The following SPACA7 variants were observed in gnomAD, a reference collection of about 807,000 sequenced individuals.
SPACA7 encodes sperm acrosome-associated protein 7.
Under a neutral mutation model 26.3 loss-of-function variants are expected in SPACA7, and 19 were observed. The observed-to-expected ratio is 0.72, with a 90% CI of 0.50 to 1.06. The LOEUF is 1.06. Ranked by LOEUF, SPACA7 falls within the 50% of genes least tolerant of loss-of-function variation. The pLI is 0.00. For synonymous variants in SPACA7, 84 were observed against 84.5 expected, an observed-to-expected ratio of 0.99 and a Z score of 0.04; for missense variants, 211 against 229.9, an observed-to-expected ratio of 0.92 and a Z score of 0.53.
chr13:112,398,671 G>A (rs1885442689), intron 3 of SPACA7, among the ~76,000 whole-genome samples: 1 of 152,198 alleles, frequency 6.6e-6, no homozygotes, highest in Non-Finnish European at 1.5e-5. Context: ...CATATGCAAG[G>A]AAATAGAACA....
chr13:112,432,382 A>G, intron 5 of SPACA7, 62 bp from the exon 6 acceptor site: 1 of 1,366,954 alleles, frequency 7.3e-7, no homozygotes, highest in Non-Finnish European at 1.0e-6. Flanking sequence ...TTAAAGGAAA[A>G]GTGGAATCAT....
At chr13:112,429,092 C>T (rs1260624725) in intron 5 of SPACA7, among the ~76,000 whole-genome samples, 1 of 152,220 alleles carries the variant, frequency 6.6e-6, no homozygotes, top group East Asian at 1.9e-4. Context: ...TGCAACAAGA[C>T]TCTTGGCCAG....
At chr13:112,414,760 G>A (rs1466297995) in intron 5 of SPACA7, among the ~76,000 whole-genome samples, 1 of 152,112 alleles carries the variant, frequency 6.6e-6, no homozygotes, top group Non-Finnish European at 1.5e-5. Context: ...TATTTTTGTA[G>A]AATTCTCAGT....
chr13:112,394,345 G>T (rs532375563), intron 2 of SPACA7, among the ~76,000 whole-genome samples: 2,080 of 151,900 alleles, frequency 0.014, 33 homozygotes, highest in African/African-American at 0.049. Flanking sequence ...TGCCTGTGGA[G>T]TGGGGTCGGG....
intron 5 of SPACA7, among the ~76,000 whole-genome samples, chr13:112,413,699 T>G (rs1173767598): frequency 1.3e-5 from 2 of 152,204 alleles, no homozygotes; most frequent in Non-Finnish European, 2.9e-5. Flanking sequence ...TCTCTACTCC[T>G]TAAGGCCATG....
chr13:112,396,056 C>T (rs1256889785), intron 2 of SPACA7, among the ~76,000 whole-genome samples: 1 of 138,040 alleles, frequency 7.2e-6, no homozygotes, highest in Admixed American at 7.2e-5. Flanking sequence ...TGACTGCTCT[C>T]CGAGCAGGAA....
chr13:112,389,618 T>C (rs1244678600), intron 1 of SPACA7, among the ~76,000 whole-genome samples: 1 of 152,220 alleles, frequency 6.6e-6, no homozygotes, highest in African/African-American at 2.4e-5. Flanking sequence ...TAAGGAATTT[T>C]ATAATTACTT....
chr13:112,388,095 T>C (rs536413608), intron 1 of SPACA7, among the ~76,000 whole-genome samples: 1 of 152,228 alleles, frequency 6.6e-6, no homozygotes, highest in Admixed American at 6.5e-5. Flanking sequence ...CTGCTGGACT[T>C]CCATCAGCAA....
At chr13:112,418,812 G>C (rs769263086) in intron 5 of SPACA7, among the ~76,000 whole-genome samples, 4 of 152,108 alleles carry the variant, frequency 2.6e-5, no homozygotes, top group Non-Finnish European at 5.9e-5. Flanking sequence ...TAGAGCATTT[G>C]ACATAAGTAC....
intron 5 of SPACA7, among the ~76,000 whole-genome samples, chr13:112,406,743 C>T (rs915467453): frequency 1.3e-5 from 2 of 152,156 alleles, no homozygotes; most frequent in African/African-American, 4.8e-5. Context: ...TAATTCATCA[C>T]AACTCTATCA....
chr13:112,383,126 AAAGAAAGAAAGAAAGAAAG>A (rs1566453098), intron 1 of SPACA7, among the ~76,000 whole-genome samples: 1 of 3,056 alleles, frequency 3.3e-4, no homozygotes, highest in Non-Finnish European at 1.1e-3. Flanking sequence ...AAAAGAAAAG[AAAGAAAGAAAGAAAGAAAG>A]AAAGAAAGAA....
intron 2 of SPACA7, among the ~76,000 whole-genome samples, chr13:112,397,554 G>A (rs150722233): frequency 0.012 from 1,818 of 152,340 alleles, 39 homozygotes; most frequent in African/African-American, 0.041. Flanking sequence ...AGCAGAGCCC[G>A]TGTGTTTTTT....
At chr13:112,410,365 T>A (rs942201884) in intron 5 of SPACA7, among the ~76,000 whole-genome samples, 2 of 151,062 alleles carry the variant, frequency 1.3e-5, no homozygotes, top group South Asian at 2.1e-4. Context: ...TAAAGTACAA[T>A]TAAAAAAATA....
intron 5 of SPACA7, among the ~76,000 whole-genome samples, chr13:112,411,937 T>C (rs1886380051): frequency 6.6e-6 from 1 of 152,176 alleles, no homozygotes; most frequent in African/African-American, 2.4e-5. Flanking sequence ...TGTACTGATT[T>C]GCTTTCTTTT....
At chr13:112,415,226 G>A (rs1341584590) in intron 5 of SPACA7, among the ~76,000 whole-genome samples, 1 of 152,206 alleles carries the variant, frequency 6.6e-6, no homozygotes, top group Non-Finnish European at 1.5e-5. Context: ...GAGTGATACC[G>A]GCACTCTCAT....
At chr13:112,410,251 G>A (rs551688340) in intron 5 of SPACA7, among the ~76,000 whole-genome samples, 2 of 152,150 alleles carry the variant, frequency 1.3e-5, no homozygotes, top group Non-Finnish European at 2.9e-5. Context: ...AGCATTAGGA[G>A]ATATACCTAA....
At chr13:112,385,251 A>C (rs936942980) in intron 1 of SPACA7, among the ~76,000 whole-genome samples, 8 of 151,882 alleles carry the variant, frequency 5.3e-5, no homozygotes, top group Admixed American at 3.9e-4. Context: ...AATCTTTAAA[A>C]CTCTCTGAAC....
intron 1 of SPACA7, among the ~76,000 whole-genome samples, chr13:112,387,944 G>T (rs1224186177): frequency 6.6e-6 from 1 of 152,106 alleles, no homozygotes; most frequent in East Asian, 1.9e-4. Context: ...TGTTTTCTTT[G>T]ATCCACTCCA....
intron 5 of SPACA7, among the ~76,000 whole-genome samples, chr13:112,414,047 T>C (rs181807325): frequency 4.6e-5 from 7 of 152,214 alleles, no homozygotes; most frequent in Admixed American, 6.5e-5. Flanking sequence ...AACCAGCTCC[T>C]GTGTGAACCA....
Sources: allele counts gnomAD v4.1 joint callset (sites outside exome capture counted in the v4.1 genomes callset), GRCh38; gene constraint gnomAD v4.1.1; transcripts MANE v1.5; gene names NCBI Gene and HGNC (gene_info 2026-07-23, HGNC 2026-07-21).